RALYL: variants seen among roughly 807,000 people sequenced by gnomAD.
The protein encoded by RALYL is RALY RNA binding protein like.
RALYL carries 29 observed loss-of-function variants against 35.1 expected under a neutral mutation model. The observed-to-expected ratio is 0.83, with a 90% confidence interval of 0.61 to 1.13. RALYL has a LOEUF of 1.13. RALYL is among the 50% of genes most tolerant of loss of function. The pLI is 0.00. For synonymous variants in RALYL, 120 were observed against 127.6 expected, an observed-to-expected ratio of 0.94 and a Z score of 0.40; for missense variants, 359 against 360.4, an observed-to-expected ratio of 1.00 and a Z score of 0.03.
chr8:84,881,007 C>T (rs1842093664), intron 7 of RALYL, among the ~76,000 whole-genome samples: 2 of 151,766 alleles, frequency 1.3e-5, no homozygotes, highest in South Asian at 2.1e-4. Context: ...CTACTAAAAC[C>T]ATTATTAGAT....
chr8:84,450,668 G>C (rs1296859888), intron 1 of RALYL, among the ~76,000 whole-genome samples: 1 of 151,644 alleles, frequency 6.6e-6, no homozygotes, highest in African/African-American at 2.4e-5. Context: ...AAATATTCTT[G>C]CATTTTTTTC....
chr8:84,253,442 C>T (rs922552990), intron 1 of RALYL, among the ~76,000 whole-genome samples: 8 of 151,338 alleles, frequency 5.3e-5, no homozygotes, highest in South Asian at 4.2e-4. Flanking sequence ...TCTCGTGATC[C>T]GCCTGCCTCA....
rs7815593 is a variant in RALYL, at chr8:84,184,308, A to T, written c.-140A>T. The T allele has an allele frequency of 0.8, 121,353 of 151,930 alleles. 48,899 individuals carry two copies. The highest frequency in any genetic ancestry group is 0.91 in the African/African-American group (37,625 of 41,292). 9.4% of individuals were successfully genotyped at this position (151,930 alleles called of 1,614,324 possible). A position where few individuals can be genotyped will look rare whatever the true frequency, so the allele number is the denominator to read the frequency against. ...ATTTCTCCCCCTTCCCTCCCCGTAA[A>T]TCAATTTTCAAATGATGGCAGTGGA... On this transcript the variant is annotated 5_prime_UTR_variant, in exon 1 of 9. Coordinates refer to ENST00000521268, the MANE Select transcript of RALYL (RefSeq NM_173848.7).
chr8:84,812,264 C>T (rs923262950), intron 4 of RALYL, among the ~76,000 whole-genome samples: 2 of 152,110 alleles, frequency 1.3e-5, no homozygotes, highest in African/African-American at 4.8e-5. Flanking sequence ...TGATTGTTGT[C>T]CCTCTTCTGG....
chr8:84,573,367 C>G (rs192942197), intron 2 of RALYL, among the ~76,000 whole-genome samples: 106 of 151,760 alleles, frequency 7.0e-4, no homozygotes, highest in African/African-American at 2.1e-3. Flanking sequence ...CTATCAGGTC[C>G]TCCAAAATGG....
At chr8:84,539,350 C>A (rs1043148573) in intron 2 of RALYL, among the ~76,000 whole-genome samples, 1 of 152,066 alleles carries the variant, frequency 6.6e-6, no homozygotes, top group Non-Finnish European at 1.5e-5. Flanking sequence ...GGCTAGATAT[C>A]CAATTAAGTC....
intron 2 of RALYL, among the ~76,000 whole-genome samples, chr8:84,721,111 TA>T (rs1426019534): frequency 6.6e-6 from 1 of 151,948 alleles, no homozygotes; most frequent in Non-Finnish European, 1.5e-5. Flanking sequence ...CTCAGATCTG[TA>T]ATCCCAGCAT....
intron 2 of RALYL, among the ~76,000 whole-genome samples, chr8:84,686,337 A>G (rs976306073): frequency 6.6e-6 from 1 of 152,158 alleles, no homozygotes; most frequent in African/African-American, 2.4e-5. Context: ...CAAGTGTGAA[A>G]GAGAACATCA....
intron 1 of RALYL, among the ~76,000 whole-genome samples, chr8:84,492,731 G>T (rs1249860619): frequency 6.6e-6 from 1 of 152,000 alleles, no homozygotes; most frequent in Admixed American, 6.6e-5. Flanking sequence ...TACACATTAT[G>T]CATATAAATG....
rs1816397306 is a variant in RALYL at position 84,774,647 on chromosome 8, C to T, written c.325C>T (p.Leu109Phe). The T allele has an allele frequency of 2.5e-6, 4 of 1,605,866 alleles. No individual in the cohort carries two copies. The highest frequency in any genetic ancestry group is 2.6e-6 in the Non-Finnish European group (3 of 1,175,010). ...KPGNKRPLSA[L>F]YRLESKEPFL... Reference sequence around the variant, plus strand: ...TGGAAACAAGAGGCCCCTTTCTGCACTTTACAGGTAAGTAGATAAGCACTG... The same window carrying T: ...TGGAAACAAGAGGCCCCTTTCTGCATTTTACAGGTAAGTAGATAAGCACTG... Residue 109 changes from leucine (L) to phenylalanine (F), a missense_variant, in exon 3 of 9, where the codon CTT becomes TTT. Transcript: ENST00000521268.
At chr8:84,263,931 A>G (rs1032134682) in intron 1 of RALYL, among the ~76,000 whole-genome samples, 1 of 152,184 alleles carries the variant, frequency 6.6e-6, no homozygotes, top group Non-Finnish European at 1.5e-5. Context: ...ATGTCCCTGC[A>G]AAGGACATGA....
chr8:84,195,784 A>G (rs1170631951), intron 1 of RALYL, among the ~76,000 whole-genome samples: 1 of 152,228 alleles, frequency 6.6e-6, no homozygotes, highest in Non-Finnish European at 1.5e-5. Flanking sequence ...GAGAGGAACA[A>G]CAGCAACAAA....
chr8:84,287,618 C>T (rs558369481), intron 1 of RALYL, among the ~76,000 whole-genome samples: 242 of 151,166 alleles, frequency 1.6e-3, no homozygotes, highest in African/African-American at 4.6e-3. Context: ...CCCATTGTTT[C>T]GAAGGCCATG....
At chr8:84,272,900 C>A (rs1343846845) in intron 1 of RALYL, among the ~76,000 whole-genome samples, 1 of 152,092 alleles carries the variant, frequency 6.6e-6, no homozygotes, top group Non-Finnish European at 1.5e-5. Flanking sequence ...GTCTAACCAT[C>A]CCCCTCAGAG....
intron 1 of RALYL, among the ~76,000 whole-genome samples, chr8:84,238,098 G>A (rs1236706766): frequency 2.0e-5 from 3 of 152,110 alleles, no homozygotes; most frequent in Non-Finnish European, 2.9e-5. Context: ...TGAATTGCTT[G>A]TAAATCATTT....
intron 2 of RALYL, among the ~76,000 whole-genome samples, chr8:84,745,064 A>AACACACAC (rs140133347): frequency 1.3e-5 from 2 of 149,226 alleles, no homozygotes; most frequent in East Asian, 2.0e-4. Context: ...TCCCAAAACA[A>AACACACAC]ACACACACAC....
At chr8:84,198,207 C>G (rs898705171) in intron 1 of RALYL, among the ~76,000 whole-genome samples, 2 of 152,094 alleles carry the variant, frequency 1.3e-5, no homozygotes, top group African/African-American at 4.8e-5. Flanking sequence ...GGAGAAAGGA[C>G]GTAACTGCTA....
intron 1 of RALYL, among the ~76,000 whole-genome samples, chr8:84,500,368 A>C (rs550338756): frequency 6.6e-6 from 1 of 152,202 alleles, no homozygotes; most frequent in Non-Finnish European, 1.5e-5. Flanking sequence ...ACACACACTT[A>C]TCACATATCT....
At chr8:84,748,155 G>C (rs1358058696) in intron 2 of RALYL, among the ~76,000 whole-genome samples, 6 of 151,852 alleles carry the variant, frequency 4.0e-5, no homozygotes, top group Non-Finnish European at 8.8e-5. Context: ...TAACTGAAAG[G>C]ATTCTTCATT....
Sources: gnomAD v4.1 joint callset for allele counts (sites outside exome capture counted in the v4.1 genomes callset) on GRCh38, gnomAD v4.1.1 for gene constraint, MANE v1.5 for transcripts, NCBI Gene and HGNC (gene_info 2026-07-23, HGNC 2026-07-21) for gene names.